PALM2AKAP2: variants seen among roughly 807,000 people sequenced by gnomAD.
The protein encoded by PALM2AKAP2 is PALM2 and AKAP2 fusion.
A neutral mutation model predicts 71.5 loss-of-function variants in PALM2AKAP2; 37 were observed. The ratio of observed to expected loss-of-function variants is 0.52; its 90% CI spans 0.40 to 0.68. The LOEUF (loss-of-function observed/expected upper bound fraction) is 0.68. Ranked by LOEUF, PALM2AKAP2 falls within the 30% of genes least tolerant of loss-of-function variation. The pLI is 0.00. For synonymous variants in PALM2AKAP2, 468 were observed against 478.8 expected (o/e 0.98, Z 0.29); for missense variants, 1,224 against 1,191.8 (o/e 1.03, Z -0.40).
At chr9:109,965,698 A>G (rs1831932699) in intron 6 of PALM2AKAP2, among the ~76,000 whole-genome samples, 1 of 152,196 alleles carries the variant, frequency 6.6e-6, no homozygotes, top group South Asian at 2.1e-4. Flanking sequence ...ATGCTATCGA[A>G]CTGTAAACTT....
intron 3 of PALM2AKAP2, among the ~76,000 whole-genome samples, chr9:110,165,553 T>TG (rs980649414): frequency 6.6e-5 from 10 of 152,178 alleles, no homozygotes; most frequent in African/African-American, 2.4e-4. Context: ...ATTTATTGTA[T>TG]GGCCATGGTA....
intron 3 of PALM2AKAP2, among the ~76,000 whole-genome samples, chr9:109,881,044 C>T (rs868419403): frequency 2.4e-4 from 37 of 152,174 alleles, no homozygotes; most frequent in African/African-American, 8.0e-4. Flanking sequence ...TCCCTCCCTT[C>T]ACCCTCCAAA....
In PALM2AKAP2 at chr9:109,732,027, C is replaced by G. The variant is rs1249316991; in HGVS notation, c.6-48461C>G. The stretch of plus-strand genomic sequence containing the variant: ...ATTTGAGAAGCTGGGTACTTTCGTG[C>G]CTTCAGCAGGAGCCACTTTGGCAGG... On this transcript the variant is annotated intron_variant, in intron 1 of 6. Transcript: ENST00000374531. Among the ~76,000 whole-genome samples the G allele has an allele frequency of 2.6e-5, 4 of 152,144 alleles. No individual in the cohort carries two copies. In the East Asian group the frequency reaches 5.8e-4, roughly 22 times the overall value.
chr9:110,020,980 C>T (rs145159089), intron 7 of PALM2AKAP2, among the ~76,000 whole-genome samples: 1 of 152,162 alleles, frequency 6.6e-6, no homozygotes, highest in East Asian at 1.9e-4. Flanking sequence ...GTGGCACACG[C>T]CTGTAATCCC....
intron 2 of PALM2AKAP2, among the ~76,000 whole-genome samples, chr9:109,869,651 T>TTCCATCCATCCA (rs59271161): frequency 0.23 from 34,937 of 149,928 alleles, 4,257 homozygotes; most frequent in Admixed American, 0.27. Context: ...TCATCCATCT[T>TTCCATCCATCCA]TCCATCCATC....
chr9:110,036,785 G>A (rs997837158), intron 7 of PALM2AKAP2, among the ~76,000 whole-genome samples: 8 of 152,052 alleles, frequency 5.3e-5, no homozygotes, highest in African/African-American at 1.9e-4. Context: ...CCTCCTGGCT[G>A]CTCCAAACAT....
At chr9:109,757,232 G>A (rs921723331) in intron 1 of PALM2AKAP2, among the ~76,000 whole-genome samples, 30 of 151,990 alleles carry the variant, frequency 2.0e-4, no homozygotes, top group African/African-American at 7.3e-4. Flanking sequence ...GCCTTTCTGT[G>A]CCTGGATAAT....
chr9:109,998,141 G>A (rs1832609613), intron 6 of PALM2AKAP2, among the ~76,000 whole-genome samples: 1 of 152,218 alleles, frequency 6.6e-6, no homozygotes, highest in Non-Finnish European at 1.5e-5. Context: ...GATCAAGCAA[G>A]ATGATTCCCC....
At chr9:109,802,352 T>C (rs1301240683) in intron 1 of PALM2AKAP2, among the ~76,000 whole-genome samples, 1 of 152,188 alleles carries the variant, frequency 6.6e-6, no homozygotes, top group Non-Finnish European at 1.5e-5. Flanking sequence ...TAATAACTTT[T>C]GGACCAGGAG....
rs58922983 is a variant in PALM2AKAP2, at chr9:109,865,096, C to CTTTTTTTTTTTTTTTT, written c.46-2390_46-2375dup. Among the ~76,000 whole-genome samples the CTTTTTTTTTTTTTTTT allele has an allele frequency of 6.6e-4, 50 of 75,644 alleles. 9 individuals carry two copies. The highest frequency in any genetic ancestry group is 1.5e-3 in the East Asian group (3 of 1,956). 49.6% of individuals were successfully genotyped at this position (75,644 alleles called of 152,430 possible). A position where few individuals can be genotyped will look rare whatever the true frequency, so the allele number is the denominator to read the frequency against. ...GTATCTACCTAAATCCTACTCATTC[C>CTTTTTTTTTTTTTTTT]TTTTTTTTTTTTTTTTTTTTGAGAC... is the stretch of plus-strand genomic sequence containing the variant. On this transcript the variant is annotated intron_variant, in intron 1 of 9. Coordinates refer to the PALM2AKAP2 transcript ENST00000302798.
At chr9:109,900,297 G>T (rs1379033555) in intron 3 of PALM2AKAP2, among the ~76,000 whole-genome samples, 2 of 152,168 alleles carry the variant, frequency 1.3e-5, no homozygotes, top group Non-Finnish European at 2.9e-5. Context: ...CTCTAAATTG[G>T]TTGATATAAC....
chr9:109,811,065 A>G (rs535900987), intron 1 of PALM2AKAP2, among the ~76,000 whole-genome samples: 3 of 152,296 alleles, frequency 2.0e-5, no homozygotes, highest in Admixed American at 2.0e-4. Context: ...ACAGTTCAGG[A>G]GTAATTGATC....
intron 1 of PALM2AKAP2, among the ~76,000 whole-genome samples, chr9:109,756,108 C>T (rs1481731774): frequency 6.6e-6 from 1 of 152,134 alleles, no homozygotes. Flanking sequence ...ACTTTTGATT[C>T]ACATCACCAA....
intron 1 of PALM2AKAP2, among the ~76,000 whole-genome samples, chr9:109,669,497 T>C (rs572026392): frequency 6.6e-6 from 1 of 152,276 alleles, no homozygotes; most frequent in Non-Finnish European, 1.5e-5. Flanking sequence ...TTTTATTTTC[T>C]GAAAGAGTTT....
At chr9:109,741,800 G>A (rs1828718818) in intron 1 of PALM2AKAP2, among the ~76,000 whole-genome samples, 1 of 152,212 alleles carries the variant, frequency 6.6e-6, no homozygotes, top group Non-Finnish European at 1.5e-5. Flanking sequence ...ATGCTGTAAG[G>A]TGGAGGAAAG....
At chr9:109,909,263 C>A (rs1222492039) in intron 3 of PALM2AKAP2, among the ~76,000 whole-genome samples, 1 of 152,218 alleles carries the variant, frequency 6.6e-6, no homozygotes, top group Non-Finnish European at 1.5e-5. Flanking sequence ...CTGCATCCTC[C>A]TGCTTCAGAG....
intron 1 of PALM2AKAP2, among the ~76,000 whole-genome samples, chr9:109,710,029 A>G (rs1828207790): frequency 6.6e-6 from 1 of 152,192 alleles, no homozygotes. Context: ...CAGTGAGAAG[A>G]AGGCCATTTG....
At chr9:110,005,885 T>C (rs28877118) in intron 6 of PALM2AKAP2, among the ~76,000 whole-genome samples, 7,854 of 152,204 alleles carry the variant, frequency 0.052, 226 homozygotes, top group South Asian at 0.099. Context: ...AAGTGCAGTA[T>C]TAGGGTGGGA....
intron 1 of PALM2AKAP2, among the ~76,000 whole-genome samples, chr9:109,774,649 C>T (rs936149793): frequency 4.6e-5 from 7 of 151,120 alleles, no homozygotes; most frequent in Non-Finnish European, 8.8e-5. Flanking sequence ...TTAAGAATAC[C>T]GATAGCTCAA....
Sources: allele counts gnomAD v4.1 joint callset (sites outside exome capture counted in the v4.1 genomes callset), GRCh38; gene constraint gnomAD v4.1.1; transcripts MANE v1.5; gene names NCBI Gene and HGNC (gene_info 2026-07-23, HGNC 2026-07-21).